The following DLGAP2 variants were observed in gnomAD, a reference collection of about 807,000 sequenced individuals.
The protein encoded by DLGAP2 is disks large-associated protein 2.
DLGAP2 carries 26 observed loss-of-function variants against 100.3 expected under a neutral mutation model. The ratio of observed to expected loss-of-function variants is 0.26; its 90% CI spans 0.19 to 0.36. DLGAP2 has a LOEUF of 0.36. Among genes scored for constraint, DLGAP2 ranks in the 10% least tolerant of loss-of-function variants. The probability of loss-of-function intolerance (pLI) is 1.00; values close to 1 mark genes in which losing one functional copy is unlikely to be tolerated. For synonymous variants in DLGAP2, 886 were observed against 630.1 expected (o/e 1.41, Z -6.08); for missense variants, 1,858 against 1,453.2 (o/e 1.28, Z -4.53).
chr8:1,270,549 G>A (rs1394000403), intron 3 of DLGAP2, among the ~76,000 whole-genome samples: 1 of 152,180 alleles, frequency 6.6e-6, no homozygotes, highest in African/African-American at 2.4e-5. Flanking sequence ...CAGGAAGCAG[G>A]CACCACTGTC....
At chr8:889,780 G>T (rs1797996661) in intron 1 of DLGAP2, among the ~76,000 whole-genome samples, 1 of 152,224 alleles carries the variant, frequency 6.6e-6, no homozygotes, top group Non-Finnish European at 1.5e-5. Context: ...GCTGCAGCCA[G>T]TGCTGGTCAC....
chr8:1,379,175 C>G (rs751524992), intron 3 of DLGAP2, among the ~76,000 whole-genome samples: 5 of 152,268 alleles, frequency 3.3e-5, no homozygotes, highest in Admixed American at 6.5e-5. Flanking sequence ...ACGTCAGCCT[C>G]ACGGGGCCAC....
chr8:744,080 G>C (rs1241794064), intron 1 of DLGAP2, among the ~76,000 whole-genome samples: 1 of 152,178 alleles, frequency 6.6e-6, no homozygotes, highest in African/African-American at 2.4e-5. Flanking sequence ...ACTTGTTCTG[G>C]TGGCCGTGGC....
chr8:1,482,659 G>A (rs1230981046), intron 3 of DLGAP2, among the ~76,000 whole-genome samples: 1 of 152,232 alleles, frequency 6.6e-6, no homozygotes, highest in African/African-American at 2.4e-5. Context: ...GTTTCCGGGA[G>A]TCCCTGCGCG....
intron 3 of DLGAP2, among the ~76,000 whole-genome samples, chr8:1,427,511 C>T (rs746813992): frequency 3.9e-5 from 6 of 152,094 alleles, no homozygotes; most frequent in African/African-American, 7.2e-5. Context: ...CAACAGAAAG[C>T]ACTTGATATG....
chr8:1,539,502 C>T (rs1412356237), intron 4 of DLGAP2, among the ~76,000 whole-genome samples: 3 of 152,164 alleles, frequency 2.0e-5, no homozygotes, highest in Non-Finnish European at 4.4e-5. Flanking sequence ...TAACTTGTGC[C>T]TGGAGCCAGA....
chr8:1,689,272 A>G (rs1159570616), intron 12 of DLGAP2, among the ~76,000 whole-genome samples: 1 of 152,168 alleles, frequency 6.6e-6, no homozygotes, highest in African/African-American at 2.4e-5. Flanking sequence ...GGACCCCGTG[A>G]GTCAGGCCAT....
At chr8:818,552 C>G (rs951991715) in intron 1 of DLGAP2, among the ~76,000 whole-genome samples, 1 of 152,174 alleles carries the variant, frequency 6.6e-6, no homozygotes, top group African/African-American at 2.4e-5. Context: ...CTAGTATGTT[C>G]CTGCCGTAGT....
In DLGAP2 at chr8:1,701,703, G is replaced by A. The variant is rs1351050530; in HGVS notation, c.*297G>A. The A allele has an allele frequency of 2.4e-6, 1 of 422,584 alleles. No homozygotes were observed. Among genetic ancestry groups the A allele is most frequent in the Non-Finnish European group, 4.2e-6 (1 of 240,914 alleles). 26.2% of individuals were successfully genotyped at this position (422,584 alleles called of 1,614,324 possible). A position where few individuals can be genotyped will look rare whatever the true frequency, so the allele number is the denominator to read the frequency against. On this transcript the variant is annotated 3_prime_UTR_variant, in exon 15 of 15. Transcript: ENST00000637795. ...TTTCTCCTGCGTGTTCTCAGAGGAC[G>A]GCGAGAAATGCCTCTGGAGCTGGAA...
chr8:1,170,534 G>T (rs931521848), intron 2 of DLGAP2, among the ~76,000 whole-genome samples: 10 of 150,568 alleles, frequency 6.6e-5, no homozygotes, highest in African/African-American at 2.4e-4. Context: ...TGGTTGGTAA[G>T]CTATTGATTA....
chr8:988,923 G>A (rs928355843), intron 2 of DLGAP2, among the ~76,000 whole-genome samples: 3 of 152,180 alleles, frequency 2.0e-5, no homozygotes, highest in African/African-American at 7.2e-5. Flanking sequence ...GACAATGCAG[G>A]TGCCTCTCCA....
intron 2 of DLGAP2, among the ~76,000 whole-genome samples, chr8:1,062,511 C>G (rs148008849): frequency 1.3e-5 from 2 of 152,322 alleles, no homozygotes; most frequent in African/African-American, 4.8e-5. Context: ...TGACTCATTT[C>G]TGACTTTCTG....
At chr8:1,580,197 G>A (rs1268904680) in intron 6 of DLGAP2, among the ~76,000 whole-genome samples, 3 of 152,180 alleles carry the variant, frequency 2.0e-5, no homozygotes, top group Admixed American at 1.3e-4. Flanking sequence ...AACTCTCAGA[G>A]AAAACGTGAA....
At chr8:845,503 A>G (rs1211026049) in intron 1 of DLGAP2, among the ~76,000 whole-genome samples, 1 of 152,108 alleles carries the variant, frequency 6.6e-6, no homozygotes, top group African/African-American at 2.4e-5. Flanking sequence ...CCCATTTTAA[A>G]CTAGGTTATT....
At chr8:1,262,914 A>G (rs1178940107) in intron 3 of DLGAP2, among the ~76,000 whole-genome samples, 1 of 152,108 alleles carries the variant, frequency 6.6e-6, no homozygotes, top group Non-Finnish European at 1.5e-5. Context: ...GTTGGTTTAC[A>G]TTTTTATGGC....
intron 2 of DLGAP2, among the ~76,000 whole-genome samples, chr8:1,023,308 A>T (rs55695750): frequency 0.34 from 51,625 of 151,968 alleles, 9,745 homozygotes; most frequent in Admixed American, 0.5. Context: ...TCTGTGACTG[A>T]AGCTGGATCA....
chr8:842,843 A>G (rs1450224465), intron 1 of DLGAP2, among the ~76,000 whole-genome samples: 1 of 152,044 alleles, frequency 6.6e-6, no homozygotes, highest in Admixed American at 6.6e-5. Context: ...TTTATTTCTA[A>G]ACGTTTTTCC....
intron 1 of DLGAP2, among the ~76,000 whole-genome samples, chr8:886,282 TCTAG>T (rs1797920494): frequency 6.6e-6 from 1 of 152,204 alleles, no homozygotes; most frequent in African/African-American, 2.4e-5. Flanking sequence ...TCTTTATTAG[TCTAG>T]CTAGCAGTCT....
chr8:1,647,208 A>G (rs943772012), intron 8 of DLGAP2, among the ~76,000 whole-genome samples: 1 of 152,292 alleles, frequency 6.6e-6, no homozygotes, highest in East Asian at 1.9e-4. Context: ...GCTAGAGTCC[A>G]TGACCCCAGG....
Sources: gnomAD v4.1 joint callset for allele counts (sites outside exome capture counted in the v4.1 genomes callset) on GRCh38, gnomAD v4.1.1 for gene constraint, MANE v1.5 for transcripts, NCBI Gene and HGNC (gene_info 2026-07-23, HGNC 2026-07-21) for gene names.